The following DLGAP1 variants were observed in gnomAD, a reference collection of about 807,000 sequenced individuals.
DLGAP1 encodes DLG associated protein 1.
In DLGAP1, 11 loss-of-function variants were observed where a neutral mutation model predicts 90.8. The ratio of observed to expected loss-of-function variants is 0.12; its 90% CI spans 0.08 to 0.20. The LOEUF (loss-of-function observed/expected upper bound fraction) is 0.20. Among genes scored for constraint, DLGAP1 ranks in the 10% least tolerant of loss-of-function variants. The pLI is 1.00. For missense variants in DLGAP1, 1,050 were observed against 1,333.8 expected, an observed-to-expected ratio of 0.79 and a Z score of 3.31; for synonymous variants, 558 against 540.7, an observed-to-expected ratio of 1.03 and a Z score of -0.44.
In DLGAP1 at chr18:4,454,825, G is replaced by A. The variant is rs1407209676; in HGVS notation, c.-267+181C>T. ...CCGGAGGGCCCGGGAGTGCACCCCG[G>A]GCGGCTGAAAGGGTAAGGAGCGCGG... On this transcript the variant is annotated intron_variant, in intron 1 of 12. Coordinates refer to ENST00000315677, the MANE Select transcript of DLGAP1 (RefSeq NM_004746.4). This position sits in a 1 kb window ranked among gnomAD's most constrained non-coding sequence, Gnocchi z 4.7. Among the ~76,000 whole-genome samples, 18 of 151,730 alleles carry A rather than the reference G, an allele frequency of 1.2e-4. No individual in the cohort carries two copies. The highest frequency in any genetic ancestry group is 4.1e-4 in the African/African-American group (17 of 41,438).
chr18:3,856,869 A>G (rs1364707367), intron 4 of DLGAP1, among the ~76,000 whole-genome samples: 1 of 152,020 alleles, frequency 6.6e-6, no homozygotes, highest in East Asian at 1.9e-4. Flanking sequence ...CCCCTCCAAA[A>G]AAAAAAAGAA....
At chr18:4,232,811 A>G (rs1259261608) in intron 1 of DLGAP1, among the ~76,000 whole-genome samples, 1 of 152,176 alleles carries the variant, frequency 6.6e-6, no homozygotes, top group Non-Finnish European at 1.5e-5. Context: ...CCCTGGAGCA[A>G]GCAACTCAAG....
chr18:3,780,341 A>G (rs919134598), intron 5 of DLGAP1, among the ~76,000 whole-genome samples: 3 of 152,206 alleles, frequency 2.0e-5, no homozygotes, highest in Non-Finnish European at 4.4e-5. Flanking sequence ...TGGAGGTCAG[A>G]AATATGAAAT....
At chr18:3,708,199 A>G in intron 7 of DLGAP1, 1 of 347,156 alleles carries the variant, frequency 2.9e-6, no homozygotes, top group South Asian at 2.2e-5. Context: ...GAGAGACGGG[A>G]TTTCACCATG....
intron 1 of DLGAP1, among the ~76,000 whole-genome samples, chr18:4,435,785 C>G (rs532392965): frequency 1.3e-5 from 2 of 152,308 alleles, no homozygotes; most frequent in South Asian, 4.1e-4. Context: ...CTTCCCTCTT[C>G]CAACATATGA....
intron 7 of DLGAP1, among the ~76,000 whole-genome samples, chr18:3,612,033 A>G (rs991827518): frequency 1.3e-5 from 2 of 152,148 alleles, no homozygotes; most frequent in Non-Finnish European, 2.9e-5. Context: ...TGAACAAATA[A>G]TTCCCTTTGC....
chr18:4,221,789 T>A (rs2144975862), intron 1 of DLGAP1, among the ~76,000 whole-genome samples: 1 of 152,300 alleles, frequency 6.6e-6, no homozygotes, highest in East Asian at 1.9e-4. Flanking sequence ...CCATTACTAC[T>A]CAACCTGCTT....
At position 3,534,573 on chromosome 18, in the gene DLGAP1, T is replaced by A. The variant is rs1446370028; in HGVS notation, c.2100A>T (p.Val700=). Residue 700 remains valine (V), a synonymous_variant, in exon 10 of 13, where the codon GTA becomes GTT. Coordinates refer to ENST00000315677, the MANE Select transcript of DLGAP1 (RefSeq NM_004746.4). The part of the protein sequence containing the change: ...FTRSNSVTTA[V]QADLDFHDNL... ...TATCATGGAAGTCCAGGTCGGCCTG[T>A]ACTGCTGTCGTCACACTGTTGGATC... 11 of 1,610,286 alleles carry A rather than the reference T, an allele frequency of 6.8e-6. No homozygotes were observed. Among genetic ancestry groups the A allele is most frequent in the Non-Finnish European group, 9.3e-6 (11 of 1,177,908 alleles).
At chr18:4,054,277 C>A (rs1364503450) in intron 2 of DLGAP1, among the ~76,000 whole-genome samples, 1 of 152,168 alleles carries the variant, frequency 6.6e-6, no homozygotes, top group Non-Finnish European at 1.5e-5. Flanking sequence ...GAAAAACACC[C>A]CCAAATCTCC....
chr18:4,254,461 G>T (rs939919782), intron 1 of DLGAP1, among the ~76,000 whole-genome samples: 1 of 152,276 alleles, frequency 6.6e-6, no homozygotes, highest in East Asian at 1.9e-4. Context: ...ATAGCCGGTT[G>T]TTCTTAATTG....
Position 4,342,246 on chromosome 18 carries a change from C to A in DLGAP1, c.-267+112760G>T, listed in dbSNP as rs1270487179. Among the ~76,000 whole-genome samples the A allele has an allele frequency of 6.6e-6, 1 of 151,932 alleles. No individual in the cohort carries two copies. The highest frequency in any genetic ancestry group is 1.5e-5 in the Non-Finnish European group (1 of 67,994). On this transcript the variant is annotated intron_variant, in intron 1 of 12. Coordinates refer to ENST00000315677, the MANE Select transcript of DLGAP1 (RefSeq NM_004746.4). This position sits in a 1 kb window ranked among gnomAD's most constrained non-coding sequence, Gnocchi z 5.8. ...AACCCTGGGATCACCTACAACAGAG[C>A]CCCTGAACTTGATTCTGCTTGCATT...
At chr18:3,663,220 G>C (rs984449317) in intron 7 of DLGAP1, among the ~76,000 whole-genome samples, 1 of 151,772 alleles carries the variant, frequency 6.6e-6, no homozygotes, top group Non-Finnish European at 1.5e-5. Flanking sequence ...GTAGTGAGCC[G>C]AGATCATGCC....
At chr18:3,943,390 T>C (rs1599195593) in intron 3 of DLGAP1, among the ~76,000 whole-genome samples, 2 of 152,040 alleles carry the variant, frequency 1.3e-5, no homozygotes, top group African/African-American at 2.4e-5. Context: ...AGCTTATTCA[T>C]GTCAAGGTTT....
intron 1 of DLGAP1, chr18:4,248,803 G>C (rs1039848358): frequency 5.9e-5 from 9 of 152,344 alleles, no homozygotes; most frequent in African/African-American, 1.9e-4. Context: ...GGCTTCCTTT[G>C]TTCCTCAGAG....
intron 7 of DLGAP1, among the ~76,000 whole-genome samples, chr18:3,669,666 C>T (rs2060014281): frequency 6.6e-6 from 1 of 152,186 alleles, no homozygotes; most frequent in South Asian, 2.1e-4. Flanking sequence ...GGTGGCCCAA[C>T]TCTAGGGGAA....
intron 1 of DLGAP1, among the ~76,000 whole-genome samples, chr18:4,236,153 T>C (rs1230216220): frequency 2.6e-5 from 4 of 152,194 alleles, no homozygotes; most frequent in African/African-American, 9.6e-5. Context: ...CCTTGTTAAC[T>C]TTATCTGTAA....
chr18:4,138,828 CTGGTTCAGGTTTTGAAATTCTTCA>C (rs1244603503), intron 2 of DLGAP1, among the ~76,000 whole-genome samples: 15 of 152,030 alleles, frequency 9.9e-5, no homozygotes, highest in African/African-American at 3.6e-4. Flanking sequence ...TGTTATTGGT[CTGGTTCAGGTTTTGAAATTCTTCA>C]TGGTTCAATA....
intron 7 of DLGAP1, among the ~76,000 whole-genome samples, chr18:3,663,414 C>T (rs1185472816): frequency 6.6e-6 from 1 of 152,196 alleles, no homozygotes; most frequent in Admixed American, 6.5e-5. Flanking sequence ...ACGATGACCA[C>T]AGATTATTTG....
At chr18:4,056,784 G>C (rs995035170) in intron 2 of DLGAP1, among the ~76,000 whole-genome samples, 6 of 151,984 alleles carry the variant, frequency 3.9e-5, no homozygotes, top group Admixed American at 2.6e-4. Flanking sequence ...TATTCAGACT[G>C]ACCCCAGGAA....
Sources: gnomAD v4.1 joint callset for allele counts (sites outside exome capture counted in the v4.1 genomes callset) on GRCh38, gnomAD v4.1.1 for gene constraint, Gnocchi (gnomAD v3.1) non-coding constraint, MANE v1.5 for transcripts, NCBI Gene and HGNC (gene_info 2026-07-23, HGNC 2026-07-21) for gene names.